The following GRIN2A variants were observed in gnomAD, a reference collection of about 807,000 sequenced individuals.
The protein encoded by GRIN2A is glutamate ionotropic receptor NMDA type subunit 2A, also known as glutamate receptor ionotropic, NMDA 2A.
In GRIN2A, 22 loss-of-function variants were observed where a neutral mutation model predicts 113.4. That is an observed-to-expected ratio of 0.19 (90% CI 0.14 to 0.28). The LOEUF is 0.28. Ranked by LOEUF, GRIN2A falls within the 10% of genes least tolerant of loss-of-function variation. The probability of loss-of-function intolerance (pLI) is 1.00; values close to 1 mark genes in which losing one functional copy is unlikely to be tolerated. For missense variants in GRIN2A, 1,502 were observed against 1,887.0 expected (o/e 0.80, Z 3.78); for synonymous variants, 827 against 738.4 (o/e 1.12, Z -1.94).
chr16:9,908,325 A>T (rs1254108489), intron 3 of GRIN2A, among the ~76,000 whole-genome samples: 1 of 152,116 alleles, frequency 6.6e-6, no homozygotes, highest in Non-Finnish European at 1.5e-5. Flanking sequence ...TTTACCACCT[A>T]AAGGGCAAAG....
intron 2 of GRIN2A, among the ~76,000 whole-genome samples, chr16:10,030,106 G>A (rs2046901082): frequency 6.6e-6 from 1 of 152,134 alleles, no homozygotes; most frequent in African/African-American, 2.4e-5. Context: ...CACGGGCTAT[G>A]TGCAAGCTGG....
intron 2 of GRIN2A, among the ~76,000 whole-genome samples, chr16:10,056,532 C>A (rs2047459480): frequency 6.6e-6 from 1 of 152,178 alleles, no homozygotes; most frequent in Non-Finnish European, 1.5e-5. Flanking sequence ...AATTCATGCT[C>A]ACTCAGAACC....
chr16:10,038,806 C>A (rs1415922204), intron 2 of GRIN2A, among the ~76,000 whole-genome samples: 7 of 151,484 alleles, frequency 4.6e-5, no homozygotes, highest in African/African-American at 1.7e-4. Context: ...CGAGATCGCG[C>A]CACTGCACTC....
At chr16:10,007,257 C>T (rs2046420256) in intron 2 of GRIN2A, among the ~76,000 whole-genome samples, 1 of 152,188 alleles carries the variant, frequency 6.6e-6, no homozygotes, top group Non-Finnish European at 1.5e-5. Flanking sequence ...CAAAAAAGTA[C>T]AGGGTTCCCC....
At chr16:10,055,073 AAAAAAAAAAAAAGAAAAAAG>A (rs2047427826) in intron 2 of GRIN2A, among the ~76,000 whole-genome samples, 9 of 78,416 alleles carry the variant, frequency 1.1e-4, no homozygotes, top group Non-Finnish European at 1.9e-4. Context: ...AAAAAAAAAA[AAAAAAAAAAAAAGAAAAAAG>A]AAAGAAAGAA....
chr16:10,009,154 G>T (rs1272666084), intron 2 of GRIN2A, among the ~76,000 whole-genome samples: 1 of 152,192 alleles, frequency 6.6e-6, no homozygotes, highest in Non-Finnish European at 1.5e-5. Context: ...ATTTTGAAAG[G>T]CTTAGCCAAA....
rs140110159 is a variant in GRIN2A, at chr16:9,861,854, T to G, written c.1123-11893A>C. ...CTACCGGCAGAGTGAAACTAAGAAC[T>G]GCTTTTCAGATATTGAGGTAAAGTG... On this transcript the variant is annotated intron_variant, in intron 4 of 12. Coordinates refer to ENST00000330684, the MANE Select transcript of GRIN2A (RefSeq NM_001134407.3). 5.3e-5 allele frequency among the ~76,000 whole-genome samples: 8 copies of G among 152,362 alleles called. No homozygotes were observed. The East Asian group carries it at 1.5e-3, about 29-fold the overall frequency.
intron 11 of GRIN2A, among the ~76,000 whole-genome samples, chr16:9,776,606 A>C (rs1464830210): frequency 6.6e-6 from 1 of 152,060 alleles, no homozygotes; most frequent in Non-Finnish European, 1.5e-5. Context: ...GTTCTCATCA[A>C]AGATCCCAGC....
chr16:9,809,569 T>C (rs13336204), intron 10 of GRIN2A, among the ~76,000 whole-genome samples: 2,641 of 151,502 alleles, frequency 0.017, 81 homozygotes, highest in African/African-American at 0.061. Context: ...TTTTTTACAA[T>C]GAGGATACAT....
rs977897272 is a variant in GRIN2A, at chr16:9,789,975, C to G, written c.2356+8302G>C. Reference sequence around the variant, plus strand: ...AACCAGTGGTGTGTGCCTGGGAACACTATGGATATGAAACTTGTCTACTGT... The same window carrying G: ...AACCAGTGGTGTGTGCCTGGGAACAGTATGGATATGAAACTTGTCTACTGT... On this transcript the variant is annotated intron_variant, in intron 11 of 12. Coordinates refer to ENST00000330684, the MANE Select transcript of GRIN2A (RefSeq NM_001134407.3). Among the ~76,000 whole-genome samples the G allele has an allele frequency of 3.3e-5, 5 of 152,198 alleles. No homozygotes were observed. In the East Asian group the frequency reaches 9.6e-4, roughly 29 times the overall value.
chr16:9,900,035 G>A (rs570056707), intron 3 of GRIN2A, among the ~76,000 whole-genome samples: 73 of 152,246 alleles, frequency 4.8e-4, no homozygotes, highest in African/African-American at 1.6e-3. Context: ...ACTAAATGAC[G>A]TCTAATGAGA....
intron 10 of GRIN2A, among the ~76,000 whole-genome samples, chr16:9,798,715 A>T (rs1267333525): frequency 6.6e-6 from 1 of 152,232 alleles, no homozygotes; most frequent in Non-Finnish European, 1.5e-5. Context: ...AAGTGAGTAA[A>T]CAGTTGAGTT....
intron 3 of GRIN2A, among the ~76,000 whole-genome samples, chr16:9,932,536 C>G (rs2044619017): frequency 6.6e-6 from 1 of 151,802 alleles, no homozygotes. Context: ...CCACCACACC[C>G]AGCTAAAGTT....
chr16:10,037,822 T>C (rs1164891489), intron 2 of GRIN2A, among the ~76,000 whole-genome samples: 3 of 152,102 alleles, frequency 2.0e-5, no homozygotes, highest in Non-Finnish European at 4.4e-5. Context: ...TCTTGCTATG[T>C]TGCCCAGGCT....
intron 2 of GRIN2A, 76 bp downstream of exon 2, chr16:10,179,922 G>T: frequency 8.9e-7 from 1 of 1,124,166 alleles, no homozygotes; most frequent in Non-Finnish European, 1.3e-6. Flanking sequence ...TTCTAGGGGC[G>T]TCCGAAGACC....
chr16:9,834,260 C>A (rs370823065), intron 7 of GRIN2A, 30 bp from the exon 8 acceptor site: 4 of 1,612,856 alleles, frequency 2.5e-6, no homozygotes, highest in Non-Finnish European at 3.4e-6. Flanking sequence ...GGAATGGAAA[C>A]GTGGTTAGTT....
At chr16:9,826,978 C>T (rs774675661) in intron 9 of GRIN2A, among the ~76,000 whole-genome samples, 2 of 152,202 alleles carry the variant, frequency 1.3e-5, no homozygotes, top group Non-Finnish European at 2.9e-5. Context: ...CAGGACATTG[C>T]TTCCTGCTGC....
intron 2 of GRIN2A, among the ~76,000 whole-genome samples, chr16:10,113,466 C>T (rs74510506): frequency 6.5e-4 from 99 of 152,316 alleles, no homozygotes; most frequent in African/African-American, 2.2e-3. Context: ...GCCCATCATT[C>T]GTGACTCACC....
intron 2 of GRIN2A, among the ~76,000 whole-genome samples, chr16:10,042,739 G>C (rs2047187448): frequency 6.6e-6 from 1 of 152,156 alleles, no homozygotes; most frequent in South Asian, 2.1e-4. Flanking sequence ...AATCTGCTGG[G>C]GTTGGGATGG....
Sources: allele counts gnomAD v4.1 joint callset (sites outside exome capture counted in the v4.1 genomes callset), GRCh38; gene constraint gnomAD v4.1.1; transcripts MANE v1.5; gene names NCBI Gene and HGNC (gene_info 2026-07-23, HGNC 2026-07-21).